Variants in ZNF91 observed in about 807,000 individuals in gnomAD.
The protein encoded by ZNF91 is zinc finger protein 91 (HPF7, HTF10).
ZNF91 carries 7 observed loss-of-function variants against 12.6 expected under a neutral mutation model. That is an observed-to-expected ratio of 0.55 (90% CI 0.31 to 1.04). The LOEUF (loss-of-function observed/expected upper bound fraction) is 1.04. Among genes scored for constraint, ZNF91 ranks in the 50% least tolerant of loss-of-function variants. The probability of loss-of-function intolerance (pLI) is 0.05; values close to 1 mark genes in which losing one functional copy is unlikely to be tolerated. For synonymous variants in ZNF91, 453 were observed against 462.6 expected, an observed-to-expected ratio of 0.98 and a Z score of 0.27; for missense variants, 1,217 against 1,385.4, an observed-to-expected ratio of 0.88 and a Z score of 1.93.
chr19:23,368,552 C>CA (rs1969118377), intron 3 of ZNF91, among the ~76,000 whole-genome samples: 2 of 79,232 alleles, frequency 2.5e-5, no homozygotes. Flanking sequence ...CTCTCTCTCT[C>CA]TCTCTCTCTC....
chr19:23,356,819 C>T (rs1356223117), downstream of ZNF91, among the ~76,000 whole-genome samples: 1 of 152,168 alleles, frequency 6.6e-6, no homozygotes, highest in Non-Finnish European at 1.5e-5. Flanking sequence ...GCCAGCCGGG[C>T]CTGGTACCTC....
intron 3 of ZNF91, among the ~76,000 whole-genome samples, chr19:23,368,513 TCTC>T: frequency 2.3e-4 from 1 of 4,256 alleles, no homozygotes; most frequent in African/African-American, 6.6e-4. Context: ...AAACTCCATC[TCTC>T]TCTCTCTCTC....
chr19:23,359,265 C>G lies in ZNF91; in HGVS notation c.*138G>C, dbSNP rs913251689. ...TGAGACGGAGTCTCGCTCTGTCGCC[C>G]AGGCTTGAGTGCAGTGGCGTGATCT... On this transcript the variant is annotated 3_prime_UTR_variant, in exon 4 of 4. Coordinates refer to ENST00000300619, the MANE Select transcript of ZNF91 (RefSeq NM_003430.4). 8.5e-6 allele frequency: 4 copies of G among 469,868 alleles called. No individual in the cohort carries two copies. The highest frequency in any genetic ancestry group is 1.5e-5 in the Non-Finnish European group (4 of 260,858). 29.1% of individuals were successfully genotyped at this position (469,868 alleles called of 1,614,324 possible). A position where few individuals can be genotyped will look rare whatever the true frequency, so the allele number is the denominator to read the frequency against.
chr19:23,333,408 CATCTA>C (rs1394673781), intron 1 of ZNF91, among the ~76,000 whole-genome samples: 2 of 152,204 alleles, frequency 1.3e-5, no homozygotes, highest in African/African-American at 2.4e-5. Flanking sequence ...CTTGACTACT[CATCTA>C]ATCTAAAGAT....
downstream of ZNF91, among the ~76,000 whole-genome samples, chr19:23,335,290 G>T (rs1599696829): frequency 3.3e-5 from 5 of 152,318 alleles, no homozygotes; most frequent in Admixed American, 3.3e-4. Flanking sequence ...ACTTGAAGAG[G>T]CAGTCTGTCT....
rs1321701504 is a variant in ZNF91 at position 23,330,847 on chromosome 19, T to G, written n.117-21750A>C. On this transcript the variant is annotated intron_variant and non_coding_transcript_variant, in intron 1 of 1. Transcript: ENST00000596528. The stretch of plus-strand genomic sequence containing the variant: ...TACTCTACAAATAACTCAGAGTTTT[T>G]GCCTCACTGTGACCCAAGCGTATGC... Among the ~76,000 whole-genome samples, 4 of 152,334 alleles carry G rather than the reference T, an allele frequency of 2.6e-5. No homozygotes were observed. In the East Asian group the frequency reaches 7.7e-4, roughly 29 times the overall value.
intron 3 of ZNF91, among the ~76,000 whole-genome samples, chr19:23,366,154 G>A (rs1417890955): frequency 6.6e-6 from 1 of 152,242 alleles, no homozygotes; most frequent in East Asian, 1.9e-4. Context: ...CCGGGCAGAG[G>A]CGCCCCTCAC....
At chr19:23,378,761 C>G (rs141861411) in intron 1 of ZNF91, among the ~76,000 whole-genome samples, 7 of 152,178 alleles carry the variant, frequency 4.6e-5, no homozygotes, top group Non-Finnish European at 1.0e-4. Context: ...TGTACCCAAC[C>G]TTTTGATGCA....
At chr19:23,320,658 T>C (rs1430771202) in intron 1 of ZNF91, among the ~76,000 whole-genome samples, 1 of 152,196 alleles carries the variant, frequency 6.6e-6, no homozygotes, top group African/African-American at 2.4e-5. Context: ...CTTTGACACA[T>C]GGAGATTACA....
At chr19:23,369,595 T>G (rs1204701618) in intron 3 of ZNF91, among the ~76,000 whole-genome samples, 1 of 152,040 alleles carries the variant, frequency 6.6e-6, no homozygotes, top group East Asian at 1.9e-4. Context: ...GATAGAGAAA[T>G]CAGATTGTTG....
chr19:23,388,257 A>G (rs969893138), intron 1 of ZNF91, among the ~76,000 whole-genome samples: 1 of 152,104 alleles, frequency 6.6e-6, no homozygotes. Context: ...AAAATAAAAT[A>G]AAATATATAA....
At chr19:23,351,909 G>A (rs1968377490) in intron 3 of ZNF91, among the ~76,000 whole-genome samples, 1 of 152,180 alleles carries the variant, frequency 6.6e-6, no homozygotes, top group African/African-American at 2.4e-5. Flanking sequence ...GAATCCCGAA[G>A]CAGCCCATTC....
At chr19:23,309,861 G>C (rs1364640695) in intron 1 of ZNF91, among the ~76,000 whole-genome samples, 1 of 151,918 alleles carries the variant, frequency 6.6e-6, no homozygotes, top group Non-Finnish European at 1.5e-5. Flanking sequence ...AGATGAGATT[G>C]TGTTTCTTGT....
In ZNF91 at chr19:23,362,658, T is replaced by C. The variant is rs1273559512; in HGVS notation, c.321A>G (p.Val107=). Residue 107 remains valine (V), a synonymous_variant, in exon 4 of 4, where the codon GTA becomes GTG. Coordinates refer to ENST00000300619, the MANE Select transcript of ZNF91 (RefSeq NM_003430.4). ...CACATTTTTCATATTTTCTCAGTAA[T>C]ACTTTTTGAAAAGAATCTTCCATGC... The part of the protein sequence containing the change: ...EQSMEDSFQK[V]LLRKYEKCGH... 6.4e-6 allele frequency: 10 copies of C among 1,558,480 alleles called. No individual in the cohort carries two copies. The highest frequency in any genetic ancestry group is 2.8e-5 in the African/African-American group (2 of 72,632).
At chr19:23,318,955 G>A (rs1337581076) in intron 1 of ZNF91, among the ~76,000 whole-genome samples, 1 of 152,152 alleles carries the variant, frequency 6.6e-6, no homozygotes, top group Non-Finnish European at 1.5e-5. Context: ...GATCACTGTT[G>A]TAATTTTGAC....
intron 1 of ZNF91, among the ~76,000 whole-genome samples, chr19:23,331,104 T>C (rs1471716286): frequency 6.6e-6 from 1 of 152,168 alleles, no homozygotes; most frequent in Non-Finnish European, 1.5e-5. Flanking sequence ...TCCTAAATAT[T>C]TGTGTATTTG....
chr19:23,323,730 T>C (rs1038141082), intron 1 of ZNF91, among the ~76,000 whole-genome samples: 1 of 127,330 alleles, frequency 7.9e-6, no homozygotes, highest in African/African-American at 3.6e-5. Flanking sequence ...CTACGCCTTC[T>C]CCTCATTCTC....
intron 3 of ZNF91, among the ~76,000 whole-genome samples, chr19:23,351,101 G>A (rs890143890): frequency 8.5e-5 from 13 of 152,194 alleles, no homozygotes; most frequent in Non-Finnish European, 1.6e-4. Flanking sequence ...CGAGGTGGAC[G>A]GATCACCTGA....
downstream of ZNF91, chr19:23,338,734 A>G (rs1376370578): frequency 1.3e-5 from 2 of 152,212 alleles, no homozygotes; most frequent in Non-Finnish European, 2.9e-5. Flanking sequence ...TACCTTGAAT[A>G]TAAATAAATT....
Sources: allele counts gnomAD v4.1 joint callset (sites outside exome capture counted in the v4.1 genomes callset), GRCh38; gene constraint gnomAD v4.1.1; transcripts MANE v1.5; gene names NCBI Gene and HGNC (gene_info 2026-07-23, HGNC 2026-07-21).